The following L3MBTL4 variants were observed in gnomAD, a reference collection of about 807,000 sequenced individuals.
L3MBTL4 encodes lethal(3)malignant brain tumor-like protein 4.
A neutral mutation model predicts 84.5 loss-of-function variants in L3MBTL4; 70 were observed. The observed-to-expected ratio is 0.83, with a 90% CI of 0.68 to 1.01. The LOEUF (loss-of-function observed/expected upper bound fraction) is 1.01. Among genes scored for constraint, L3MBTL4 ranks in the 50% least tolerant of loss-of-function variants. L3MBTL4 has a pLI of 0.00. For synonymous variants in L3MBTL4, 274 were observed against 259.8 expected (o/e 1.05, Z -0.52); for missense variants, 715 against 754.8 (o/e 0.95, Z 0.62).
chr18:6,340,331 C>A (rs1599701620), intron 1 of L3MBTL4, among the ~76,000 whole-genome samples: 1 of 152,128 alleles, frequency 6.6e-6, no homozygotes, highest in Non-Finnish European at 1.5e-5. Flanking sequence ...ACAGTAGATG[C>A]ATTAAAAAGG....
At chr18:6,116,210 CTTAAGG>C (rs2059354505) in intron 14 of L3MBTL4, among the ~76,000 whole-genome samples, 1 of 152,094 alleles carries the variant, frequency 6.6e-6, no homozygotes, top group Non-Finnish European at 1.5e-5. Flanking sequence ...AACAAGGAGG[CTTAAGG>C]TGACCTGGCC....
intron 16 of L3MBTL4, among the ~76,000 whole-genome samples, chr18:6,069,638 C>T (rs1012711909): frequency 3.9e-5 from 6 of 152,038 alleles, no homozygotes; most frequent in African/African-American, 1.4e-4. Context: ...GGCTAATGTT[C>T]CAGAAGGGAG....
intron 16 of L3MBTL4, among the ~76,000 whole-genome samples, chr18:6,000,108 A>G (rs937486270): frequency 1.3e-5 from 2 of 152,148 alleles, no homozygotes. Flanking sequence ...AAGAAAGAAG[A>G]AAAAGAAAAA....
chr18:6,407,649 TAC>T (rs2055790401), intron 1 of L3MBTL4, among the ~76,000 whole-genome samples: 1 of 152,226 alleles, frequency 6.6e-6, no homozygotes, highest in Non-Finnish European at 1.5e-5. Context: ...CTTAGAAGCC[TAC>T]ACACAGAATC....
chr18:5,965,153 T>C (rs2052283449), intron 17 of L3MBTL4, among the ~76,000 whole-genome samples: 1 of 152,218 alleles, frequency 6.6e-6, no homozygotes, highest in Non-Finnish European at 1.5e-5. Flanking sequence ...TCATCTCGTC[T>C]GGTCTTTCAT....
chr18:6,205,270 G>A (rs73384002), intron 12 of L3MBTL4, among the ~76,000 whole-genome samples: 1 of 152,138 alleles, frequency 6.6e-6, no homozygotes, highest in Admixed American at 6.5e-5. Flanking sequence ...AGTAAAGGTG[G>A]CCTCTAGAAG....
At chr18:6,009,918 C>T (rs917983597) in intron 16 of L3MBTL4, among the ~76,000 whole-genome samples, 3 of 152,234 alleles carry the variant, frequency 2.0e-5, no homozygotes, top group Admixed American at 1.3e-4. Flanking sequence ...AACAAAGCTG[C>T]CCATTATCTC....
intron 12 of L3MBTL4, among the ~76,000 whole-genome samples, chr18:6,193,479 G>A (rs2045224482): frequency 6.6e-6 from 1 of 152,238 alleles, no homozygotes; most frequent in Admixed American, 6.5e-5. Flanking sequence ...TGCAAGGGCT[G>A]CAGAGCAGCA....
intron 1 of L3MBTL4, among the ~76,000 whole-genome samples, chr18:6,333,695 G>A (rs148576209): frequency 1.2e-4 from 17 of 146,580 alleles, no homozygotes; most frequent in African/African-American, 3.8e-4. Context: ...AGCTCCAGCC[G>A]TAAGAGAACA....
chr18:6,186,375 G>A (rs2044764419), intron 12 of L3MBTL4, among the ~76,000 whole-genome samples: 1 of 152,158 alleles, frequency 6.6e-6, no homozygotes, highest in Non-Finnish European at 1.5e-5. Context: ...TGGTGGCCAT[G>A]AGGAAGTGAG....
chr18:6,120,121 A>C (rs2059479643), intron 14 of L3MBTL4, among the ~76,000 whole-genome samples: 1 of 152,208 alleles, frequency 6.6e-6, no homozygotes. Flanking sequence ...TTTCAACCTC[A>C]CTAAACTGTG....
intron 16 of L3MBTL4, among the ~76,000 whole-genome samples, chr18:6,050,422 T>C (rs1202493363): frequency 1.3e-5 from 2 of 152,224 alleles, no homozygotes; most frequent in East Asian, 3.8e-4. Context: ...ATTAACCTTG[T>C]AGACTTTATA....
intron 16 of L3MBTL4, among the ~76,000 whole-genome samples, chr18:5,972,927 TA>T: frequency 6.2e-5 from 2 of 32,276 alleles, no homozygotes; most frequent in Non-Finnish European, 1.5e-4. Flanking sequence ...TAGAATAGAA[TA>T]GAATAGAATA....
intron 1 of L3MBTL4, among the ~76,000 whole-genome samples, chr18:6,331,326 C>T (rs978349514): frequency 6.6e-6 from 1 of 152,154 alleles, no homozygotes; most frequent in Non-Finnish European, 1.5e-5. Context: ...GAACAAGAAT[C>T]GCTGAGAGAT....
intron 14 of L3MBTL4, among the ~76,000 whole-genome samples, chr18:6,121,705 T>C (rs1471279893): frequency 7.3e-6 from 1 of 137,754 alleles, no homozygotes; most frequent in Admixed American, 7.5e-5. Context: ...TGTGTGTGTG[T>C]GTGTGTGTGT....
chr18:6,405,426 G>A (rs2055687880), intron 1 of L3MBTL4, among the ~76,000 whole-genome samples: 1 of 152,220 alleles, frequency 6.6e-6, no homozygotes, highest in Admixed American at 6.5e-5. Context: ...AGCTCCTGAT[G>A]TACCATCTGT....
chr18:6,219,277 C>CT (rs1226923428), intron 10 of L3MBTL4, among the ~76,000 whole-genome samples: 1 of 151,966 alleles, frequency 6.6e-6, no homozygotes, highest in East Asian at 2.0e-4. Flanking sequence ...AAGGCAGCCC[C>CT]TTTCAGGCCT....
chr18:6,141,477 G>A (rs2060191544), intron 13 of L3MBTL4, among the ~76,000 whole-genome samples: 1 of 152,054 alleles, frequency 6.6e-6, no homozygotes, highest in South Asian at 2.1e-4. Flanking sequence ...TCATTTCAAA[G>A]TCAACATGTT....
At chr18:6,132,500 G>A (rs911807928) in intron 14 of L3MBTL4, among the ~76,000 whole-genome samples, 2 of 152,180 alleles carry the variant, frequency 1.3e-5, no homozygotes, top group African/African-American at 2.4e-5. Context: ...AGACAGGATC[G>A]CTTCTCAGGC....
Sources: allele counts gnomAD v4.1 joint callset (sites outside exome capture counted in the v4.1 genomes callset), GRCh38; gene constraint gnomAD v4.1.1; transcripts MANE v1.5; gene names NCBI Gene and HGNC (gene_info 2026-07-23, HGNC 2026-07-21).